Variants in SCN8A observed in about 807,000 individuals in gnomAD.
The protein encoded by SCN8A is sodium channel protein type 8 subunit alpha.
Under a neutral mutation model 184.1 loss-of-function variants are expected in SCN8A, and 30 were observed. That is an observed-to-expected ratio of 0.16 (90% confidence interval 0.12 to 0.22). The LOEUF (loss-of-function observed/expected upper bound fraction) is 0.22, where lower values mean the gene tolerates loss of function less well. Ranked by LOEUF, SCN8A falls within the 10% of genes least tolerant of loss-of-function variation. The pLI is 1.00. For missense variants in SCN8A, 1,057 were observed against 2,498.9 expected (o/e 0.42, Z 12.30); for synonymous variants, 852 against 907.0 (o/e 0.94, Z 1.09).
At chr12:51,784,604 A>G (rs1316599415) in intron 21 of SCN8A, among the ~76,000 whole-genome samples, 2 of 152,136 alleles carry the variant, frequency 1.3e-5, no homozygotes, top group Non-Finnish European at 2.9e-5. Flanking sequence ...ATTAAAGTAC[A>G]TTTGCATCTT....
At chr12:51,727,721 G>A (rs1316620356) in intron 12 of SCN8A, among the ~76,000 whole-genome samples, 1 of 152,172 alleles carries the variant, frequency 6.6e-6, no homozygotes, top group Non-Finnish European at 1.5e-5. Context: ...CCAGCACTTT[G>A]GGAGGCTGAG....
intron 11 of SCN8A, among the ~76,000 whole-genome samples, chr12:51,716,636 G>A (rs1049540233): frequency 6.6e-5 from 10 of 152,104 alleles, no homozygotes; most frequent in African/African-American, 1.9e-4. Context: ...TTTTTATGAC[G>A]GTGTGATAGT....
chr12:51,806,376 G>A lies in SCN8A; in HGVS notation c.4890G>A (p.Leu1630=), dbSNP rs1938702766. The change falls in exon 27 of 27, where the codon CTG becomes CTA. Residue 1630 remains leucine, a synonymous_variant. Coordinates refer to ENST00000627620, the MANE Select transcript of SCN8A (RefSeq NM_001330260.2). The surrounding 1 kb of genome is among the most constrained non-coding windows in gnomAD (Gnocchi z 8.7). ...CCCGTATTGGGCGCATCTTGCGTCTGATCAAAGGCGCCAAAGGGATTCGTA... is the reference window on the plus strand; with the variant it reads ...CCCGTATTGGGCGCATCTTGCGTCTAATCAAAGGCGCCAAAGGGATTCGTA... ...RLARIGRILR[L]IKGAKGIRTL... is the part of the protein sequence containing the mutation. 1 of 1,603,070 alleles carries A rather than the reference G, an allele frequency of 6.2e-7. No homozygotes were observed. Among genetic ancestry groups the A allele is most frequent in the Admixed American group, 1.7e-5 (1 of 59,634 alleles).
intron 1 of SCN8A, among the ~76,000 whole-genome samples, chr12:51,631,515 C>T (rs988681421): frequency 6.6e-6 from 1 of 152,182 alleles, no homozygotes; most frequent in African/African-American, 2.4e-5. Context: ...TGGCACTGTA[C>T]TTTAAGACCA....
chr12:51,806,418 A>G lies in SCN8A; in HGVS notation c.4932A>G (p.Leu1644=). 6.2e-7 allele frequency: 1 copy of G among 1,613,876 alleles called. No individual in the cohort carries two copies. Among genetic ancestry groups the G allele is most frequent in the Non-Finnish European group, 8.5e-7 (1 of 1,179,792 alleles). ...GGATTCGTACCCTGCTCTTTGCCTT[A>G]ATGATGTCCTTGCCTGCCCTGTTCA... ...AKGIRTLLFA[L]MMSLPALFNI... is the part of the protein sequence containing the mutation. Residue 1644 remains leucine (L), a synonymous_variant, in exon 27 of 27, where the codon TTA becomes TTG. Coordinates refer to ENST00000627620, the MANE Select transcript of SCN8A (RefSeq NM_001330260.2). The surrounding 1 kb of genome is among the most constrained non-coding windows in gnomAD (Gnocchi z 8.7).
intron 11 of SCN8A, among the ~76,000 whole-genome samples, chr12:51,716,819 T>G (rs1379197479): frequency 6.6e-6 from 1 of 152,192 alleles, no homozygotes; most frequent in African/African-American, 2.4e-5. Flanking sequence ...TACGCTTGCC[T>G]TCAAACTTGT....
intron 1 of SCN8A, among the ~76,000 whole-genome samples, chr12:51,643,873 G>C (rs1329232530): frequency 6.6e-6 from 1 of 152,174 alleles, no homozygotes; most frequent in Non-Finnish European, 1.5e-5. Context: ...CTGATACCAG[G>C]TTTAAATTCT....
intron 11 of SCN8A, among the ~76,000 whole-genome samples, chr12:51,716,928 C>A (rs1565897958): frequency 6.6e-6 from 1 of 152,174 alleles, no homozygotes; most frequent in African/African-American, 2.4e-5. Context: ...CTAAATCACC[C>A]CATAGCCAGA....
intron 26 of SCN8A, 91 bp downstream of exon 26, chr12:51,794,732 T>A: frequency 7.7e-7 from 1 of 1,305,086 alleles, no homozygotes; most frequent in Non-Finnish European, 1.1e-6. Flanking sequence ...ATGACACAGG[T>A]CTGAAGTGCA....
At chr12:51,641,076 C>T (rs1256724592) in intron 1 of SCN8A, among the ~76,000 whole-genome samples, 1 of 152,096 alleles carries the variant, frequency 6.6e-6, no homozygotes, top group East Asian at 1.9e-4. Context: ...TAGATTCAAC[C>T]AGCTGCAGAT....
At chr12:51,758,982 A>ATGTG (rs373776370) in intron 14 of SCN8A, among the ~76,000 whole-genome samples, 1 of 137,344 alleles carries the variant, frequency 7.3e-6, no homozygotes, top group Non-Finnish European at 1.5e-5. Context: ...GTATGTATGT[A>ATGTG]TATGTGTGTG....
chr12:51,782,869 ACTT>A (rs766401415), intron 21 of SCN8A, among the ~76,000 whole-genome samples: 19 of 152,198 alleles, frequency 1.2e-4, no homozygotes, highest in Non-Finnish European at 2.4e-4. Context: ...TCATTTGTCA[ACTT>A]GAAAGTAGTT....
intron 1 of SCN8A, among the ~76,000 whole-genome samples, chr12:51,643,038 T>G (rs1940489961): frequency 6.6e-6 from 1 of 152,200 alleles, no homozygotes; most frequent in Non-Finnish European, 1.5e-5. Context: ...TTGATACTGC[T>G]TTAATGCCCT....
chr12:51,667,373 A>ATT (rs1250943114), intron 2 of SCN8A, among the ~76,000 whole-genome samples: 1 of 146,294 alleles, frequency 6.8e-6, no homozygotes. Context: ...ACTTACTATT[A>ATT]TTTTTTTTTT....
chr12:51,739,303 A>G (rs1592136891), intron 12 of SCN8A, among the ~76,000 whole-genome samples: 1 of 152,218 alleles, frequency 6.6e-6, no homozygotes, highest in East Asian at 1.9e-4. Context: ...AGCTTGCTGA[A>G]TTCCTGCCTG....
rs1436784692 is a variant in SCN8A at position 51,769,101 on chromosome 12, C to T, written c.3138C>T (p.Ala1046=). ...ELYEKKANCI[A]NHTGADIHRN... ...ATGAAAAGAAGGCCAACTGTATCGC[C>T]AATCACACCGGTGCAGACATCCACC... is the stretch of plus-strand genomic sequence containing the variant. Residue 1046 remains alanine (A), a synonymous_variant, in exon 17 of 27, where the codon GCC becomes GCT. Coordinates refer to ENST00000627620, the MANE Select transcript of SCN8A (RefSeq NM_001330260.2). The T allele has an allele frequency of 1.2e-6, 2 of 1,613,668 alleles. No homozygotes were observed. Among genetic ancestry groups the T allele is most frequent in the East Asian group, 2.2e-5 (1 of 44,884 alleles).
At chr12:51,739,989 G>C (rs1942393513) in intron 12 of SCN8A, among the ~76,000 whole-genome samples, 1 of 152,250 alleles carries the variant, frequency 6.6e-6, no homozygotes, top group Non-Finnish European at 1.5e-5. Flanking sequence ...GGGAAACTAA[G>C]GGAAGGGCCG....
At chr12:51,691,107 T>TC (rs1295836122) in intron 6 of SCN8A, among the ~76,000 whole-genome samples, 1 of 152,166 alleles carries the variant, frequency 6.6e-6, no homozygotes, top group Non-Finnish European at 1.5e-5. Flanking sequence ...ATCTTTACTT[T>TC]CCTTTTTCCT....
Position 51,768,848 on chromosome 12 carries a change from CAA to C in SCN8A, c.2902-16_2902-15del. 6.6e-7 allele frequency: 1 copy of C among 1,515,782 alleles called. No individual in the cohort carries two copies. The allele number at this position is 1,515,782 out of a possible 1,614,324, so 93.9% of individuals were successfully genotyped here. A position where few individuals can be genotyped will look rare whatever the true frequency, so the allele number is the denominator to read the frequency against. On this transcript the variant is annotated splice_polypyrimidine_tract_variant and intron_variant, in intron 16 of 26. Coordinates refer to ENST00000627620, the MANE Select transcript of SCN8A (RefSeq NM_001330260.2). Reference sequence around the variant, plus strand: ...CTTTTCTGCATTTGTTCCTTTTTTCCAATGCTACTGGCATAGGTGCTGAACCT... The same window carrying C: ...CTTTTCTGCATTTGTTCCTTTTTTCCTGCTACTGGCATAGGTGCTGAACCT...
Sources: gnomAD v4.1 joint callset for allele counts (sites outside exome capture counted in the v4.1 genomes callset) on GRCh38, gnomAD v4.1.1 for gene constraint, Gnocchi (gnomAD v3.1) non-coding constraint, MANE v1.5 for transcripts, NCBI Gene and HGNC (gene_info 2026-07-23, HGNC 2026-07-21) for gene names.